The following TMPRSS15 variants were observed in gnomAD, a reference collection of about 807,000 sequenced individuals.
TMPRSS15 encodes enteropeptidase.
A neutral mutation model predicts 125.3 loss-of-function variants in TMPRSS15; 128 were observed. The ratio of observed to expected loss-of-function variants is 1.02; its 90% CI spans 0.89 to 1.18. The LOEUF is 1.18. Ranked by LOEUF, TMPRSS15 falls within the 50% of genes most tolerant of loss-of-function variation. TMPRSS15 has a pLI of 0.00. For missense variants in TMPRSS15, 1,283 were observed against 1,212.7 expected, an observed-to-expected ratio of 1.06 and a Z score of -0.86; for synonymous variants, 446 against 423.2, an observed-to-expected ratio of 1.05 and a Z score of -0.66.
intron 6 of TMPRSS15, among the ~76,000 whole-genome samples, chr21:18,365,949 G>A (rs1191469793): frequency 6.6e-6 from 1 of 151,708 alleles, no homozygotes; most frequent in African/African-American, 2.4e-5. Context: ...TGGCCAGGCT[G>A]GTCTCGATCT....
chr21:18,425,434 C>A (rs2076200621), intron 1 of TMPRSS15, among the ~76,000 whole-genome samples: 1 of 151,952 alleles, frequency 6.6e-6, no homozygotes, highest in Non-Finnish European at 1.5e-5. Context: ...AATAATAACC[C>A]AGGAGATTAG....
At chr21:18,433,663 CAAAA>C (rs58432155) in intron 1 of TMPRSS15, among the ~76,000 whole-genome samples, 12 of 62,444 alleles carry the variant, frequency 1.9e-4, no homozygotes, top group East Asian at 5.1e-4. Flanking sequence ...GACCTTGTCT[CAAAA>C]AAAAAAAAAA....
At chr21:18,460,307 T>C (rs1978527842) in intron 1 of TMPRSS15, among the ~76,000 whole-genome samples, 1 of 152,192 alleles carries the variant, frequency 6.6e-6, no homozygotes, top group African/African-American at 2.4e-5. Context: ...TCTTCTATTC[T>C]ATCTGTTGCT....
intron 1 of TMPRSS15, among the ~76,000 whole-genome samples, chr21:18,433,136 T>C (rs1400676064): frequency 2.0e-5 from 3 of 152,124 alleles, no homozygotes; most frequent in Non-Finnish European, 4.4e-5. Context: ...TGAACATACC[T>C]TAAATGGGGG....
intron 10 of TMPRSS15, among the ~76,000 whole-genome samples, chr21:18,350,098 A>G (rs1451897794): frequency 6.6e-6 from 1 of 152,070 alleles, no homozygotes; most frequent in Non-Finnish European, 1.5e-5. Flanking sequence ...AGTAAAGAGA[A>G]AAAAAAAGAT....
rs1408156983 is a variant in TMPRSS15, at chr21:18,396,792, A to AAAATCTGTCTGTCTGTCTG, written c.344+1086_344+1087insCAGACAGACAGACAGATTT. On this transcript the variant is annotated intron_variant, in intron 3 of 24. Coordinates refer to ENST00000284885, the MANE Select transcript of TMPRSS15 (RefSeq NM_002772.3). The stretch of plus-strand genomic sequence containing the variant: ...CTGTCTCAAAAAAAAAAAAAAAAAA[A>AAAATCTGTCTGTCTGTCTG]TCTGTCTGTCTGTCTGTCTATCTAT... Among the ~76,000 whole-genome samples the AAAATCTGTCTGTCTGTCTG allele has an allele frequency of 7.4e-3, 833 of 112,742 alleles. 16 individuals are homozygous for AAAATCTGTCTGTCTGTCTG. The highest frequency in any genetic ancestry group is 9.8e-3 in the Non-Finnish European group (559 of 56,842). 74.0% of individuals were successfully genotyped at this position (112,742 alleles called of 152,430 possible). A position where few individuals can be genotyped will look rare whatever the true frequency, so the allele number is the denominator to read the frequency against.
At chr21:18,323,137 T>C (rs1222924130) in intron 16 of TMPRSS15, among the ~76,000 whole-genome samples, 1 of 152,210 alleles carries the variant, frequency 6.6e-6, no homozygotes, top group Non-Finnish European at 1.5e-5. Flanking sequence ...ATTTTCAACT[T>C]AAAATAGGGG....
chr21:18,454,440 T>G (rs1168232491), intron 1 of TMPRSS15, among the ~76,000 whole-genome samples: 3 of 151,992 alleles, frequency 2.0e-5, no homozygotes, highest in African/African-American at 7.3e-5. Flanking sequence ...TAAAAGGAGA[T>G]TCATTATGAA....
rs558124096 is a variant in TMPRSS15 at position 18,351,581 on chromosome 21, C to T, written c.1171+1322G>A. The stretch of plus-strand genomic sequence containing the variant: ...CACACTCACTGTCTCTTGCCTGCAG[C>T]CACGTAAGACGTGTCTGCTTTGCCT... On this transcript the variant is annotated intron_variant, in intron 10 of 24. Transcript: ENST00000284885. Among the ~76,000 whole-genome samples the T allele has an allele frequency of 3.9e-5, 6 of 152,270 alleles. No individual in the cohort carries two copies. In the East Asian group the frequency reaches 1.2e-3, roughly 29 times the overall value.
chr21:18,396,013 T>C (rs1323417971), intron 3 of TMPRSS15, among the ~76,000 whole-genome samples: 1 of 152,162 alleles, frequency 6.6e-6, no homozygotes, highest in Non-Finnish European at 1.5e-5. Flanking sequence ...AGCAGCTGCT[T>C]AAAAACTAAG....
chr21:18,331,651 TC>T (rs2075346540), intron 14 of TMPRSS15, among the ~76,000 whole-genome samples: 1 of 152,228 alleles, frequency 6.6e-6, no homozygotes, highest in South Asian at 2.1e-4. Context: ...TACAACTGGT[TC>T]TTTACTTTTT....
At chr21:18,384,355 A>G (rs1188587277) in intron 3 of TMPRSS15, among the ~76,000 whole-genome samples, 1 of 152,122 alleles carries the variant, frequency 6.6e-6, no homozygotes, top group Non-Finnish European at 1.5e-5. Flanking sequence ...AAACAAGGGT[A>G]TCTGGGTCTA....
At chr21:18,426,676 T>C (rs1356436113) in intron 1 of TMPRSS15, among the ~76,000 whole-genome samples, 1 of 152,230 alleles carries the variant, frequency 6.6e-6, no homozygotes, top group African/African-American at 2.4e-5. Context: ...GGTTCCATTT[T>C]GAAAGTCTGT....
At chr21:18,468,496 G>A (rs1292266278) in intron 1 of TMPRSS15, among the ~76,000 whole-genome samples, 1 of 151,744 alleles carries the variant, frequency 6.6e-6, no homozygotes, top group Non-Finnish European at 1.5e-5. Context: ...TGCATAAACA[G>A]AAGAGAGAAA....
chr21:18,338,670 T>G (rs1054179260), intron 13 of TMPRSS15, among the ~76,000 whole-genome samples: 2 of 151,814 alleles, frequency 1.3e-5, no homozygotes, highest in Admixed American at 1.3e-4. Context: ...AAGTTTCATG[T>G]CACCAAAATA....
intron 7 of TMPRSS15, among the ~76,000 whole-genome samples, chr21:18,360,632 TTCTG>T (rs1407676687): frequency 1.3e-5 from 2 of 152,148 alleles, no homozygotes; most frequent in Non-Finnish European, 2.9e-5. Context: ...GGGCTTTCTA[TTCTG>T]TCTATGTGTT....
intron 12 of TMPRSS15, 30 bp downstream of exon 12, chr21:18,343,476 C>T: frequency 1.9e-6 from 3 of 1,547,620 alleles, no homozygotes; most frequent in Non-Finnish European, 2.7e-6. Flanking sequence ...AAAAAGGATA[C>T]AAATATAAAT....
chr21:18,282,097 CA>C (rs954911028), intron 21 of TMPRSS15, among the ~76,000 whole-genome samples: 909 of 24,932 alleles, frequency 0.036, 3 homozygotes, highest in East Asian at 0.079. Flanking sequence ...GACTCCGCCT[CA>C]AAAAAAAAAA....
At chr21:18,383,524 G>T in intron 4 of TMPRSS15, 103 bp downstream of exon 4, 1 of 1,350,410 alleles carries the variant, frequency 7.4e-7, no homozygotes, top group Non-Finnish European at 1.0e-6. Flanking sequence ...AATAAGACAT[G>T]TTCCTAAGGT....
Sources: allele counts gnomAD v4.1 joint callset (sites outside exome capture counted in the v4.1 genomes callset), GRCh38; gene constraint gnomAD v4.1.1; transcripts MANE v1.5; gene names NCBI Gene and HGNC (gene_info 2026-07-23, HGNC 2026-07-21).